Variants in SSPN observed in about 807,000 individuals in gnomAD.
The protein encoded by SSPN is K-ras oncogene-associated protein.
SSPN carries 15 observed loss-of-function variants against 19.1 expected under a neutral mutation model. The ratio of observed to expected loss-of-function variants is 0.78; its 90% CI spans 0.52 to 1.21. The LOEUF (loss-of-function observed/expected upper bound fraction) is 1.21. Among genes scored for constraint, SSPN ranks in the 50% most tolerant of loss-of-function variants. The probability of loss-of-function intolerance (pLI) is 0.00; values close to 1 mark genes in which losing one functional copy is unlikely to be tolerated. For missense variants in SSPN, 291 were observed against 314.0 expected, an observed-to-expected ratio of 0.93 and a Z score of 0.55; for synonymous variants, 147 against 140.3, an observed-to-expected ratio of 1.05 and a Z score of -0.34.
chr12:26,177,985 T>G (rs1944694991), intron 1 of SSPN, among the ~76,000 whole-genome samples: 1 of 152,216 alleles, frequency 6.6e-6, no homozygotes, highest in Admixed American at 6.5e-5. Flanking sequence ...AAGTCTAAGC[T>G]CACTGACTGG....
upstream of SSPN, among the ~76,000 whole-genome samples, chr12:26,191,139 A>G (rs1944785098): frequency 6.6e-6 from 1 of 152,212 alleles, no homozygotes; most frequent in South Asian, 2.1e-4. Context: ...GATATGCCAC[A>G]ATTTGTTTAT....
chr12:26,148,513 T>C (rs953932324), intron 1 of SSPN, among the ~76,000 whole-genome samples: 1 of 152,024 alleles, frequency 6.6e-6, no homozygotes, highest in African/African-American at 2.4e-5. Context: ...CTTTACAGAG[T>C]GGATGTAAGT....
intron 1 of SSPN, among the ~76,000 whole-genome samples, chr12:26,150,423 T>C (rs987979728): frequency 4.6e-5 from 7 of 152,236 alleles, no homozygotes; most frequent in Non-Finnish European, 1.0e-4. Context: ...TGCTATAAAC[T>C]GGTTTAATTA....
chr12:26,216,346 G>A (rs967839350), intron 1 of SSPN, among the ~76,000 whole-genome samples: 2 of 152,078 alleles, frequency 1.3e-5, no homozygotes, highest in African/African-American at 4.8e-5. Flanking sequence ...ATTTTTTCAT[G>A]TGTTTTTTGG....
chr12:26,215,464 G>GTATCT (rs1945037770), intron 1 of SSPN, among the ~76,000 whole-genome samples: 1 of 152,188 alleles, frequency 6.6e-6, no homozygotes, highest in African/African-American at 2.4e-5. Context: ...AGGTGCAGAA[G>GTATCT]CATGCTGGAG....
Position 26,165,251 on chromosome 12 carries a change from T to G in SSPN, c.-31+43099T>G, listed in dbSNP as rs1944613463. On this transcript the variant is annotated intron_variant, in intron 1 of 2. Transcript: ENST00000538142. ...CAAGGCTCGGGTCTCAAATTCCGTC[T>G]ATACAGAGCTGGGGAAAGTATTTTC... is the stretch of plus-strand genomic sequence containing the variant. Among the ~76,000 whole-genome samples the G allele has an allele frequency of 3.3e-5, 5 of 152,354 alleles. No homozygotes were observed. In the South Asian group the frequency reaches 1.0e-3, roughly 32 times the overall value.
intron 1 of SSPN, among the ~76,000 whole-genome samples, chr12:26,146,370 T>C (rs547720985): frequency 1.3e-5 from 2 of 152,350 alleles, no homozygotes; most frequent in Non-Finnish European, 2.9e-5. Context: ...TGACTCCTGT[T>C]GTGCCCATTT....
chr12:26,195,493 C>T, upstream of SSPN: 7 of 1,117,736 alleles, frequency 6.3e-6, no homozygotes, highest in Non-Finnish European at 8.0e-6. Flanking sequence ...CCTCGAATCC[C>T]CCCTCTGCTG....
intron 1 of SSPN, among the ~76,000 whole-genome samples, chr12:26,201,046 T>TATATATAA (rs59727119): frequency 3.9e-5 from 3 of 77,212 alleles, no homozygotes; most frequent in African/African-American, 5.3e-5. Context: ...TATATATATA[T>TATATATAA]TATATATATA....
chr12:26,218,581 T>G (rs992618688), intron 1 of SSPN, among the ~76,000 whole-genome samples: 4 of 152,048 alleles, frequency 2.6e-5, no homozygotes, highest in Admixed American at 2.0e-4. Context: ...ACCCACCTTT[T>G]CAAGTGATCC....
intron 1 of SSPN, chr12:26,124,593 G>C: frequency 6.2e-7 from 1 of 1,614,162 alleles, no homozygotes; most frequent in Non-Finnish European, 8.5e-7. Context: ...CTGCAAAACA[G>C]AAATCAGCAT....
rs962932400 is a variant in SSPN, at chr12:26,232,280, G to T, written c.*1204G>T. ...TTGAAGTTCTTATTTGAGCAATATGGCCTTGACTTGGAGGGTAGTTTTAGT... is the reference window on the plus strand; with the variant it reads ...TTGAAGTTCTTATTTGAGCAATATGTCCTTGACTTGGAGGGTAGTTTTAGT... On this transcript the variant is annotated 3_prime_UTR_variant, in exon 3 of 3. Transcript: ENST00000242729. The T allele has an allele frequency of 4.1e-6, 4 of 985,306 alleles. No individual in the cohort carries two copies. Among genetic ancestry groups the T allele is most frequent in the Middle Eastern group, 5.2e-4 (1 of 1,936 alleles). 61.0% of individuals were successfully genotyped at this position (985,306 alleles called of 1,614,324 possible).
intron 1 of SSPN, among the ~76,000 whole-genome samples, chr12:26,142,214 T>TA (rs1379360080): frequency 6.6e-6 from 1 of 152,212 alleles, no homozygotes; most frequent in Non-Finnish European, 1.5e-5. Flanking sequence ...GAAAGGGTTT[T>TA]AAGCAGTGCC....
intron 1 of SSPN, among the ~76,000 whole-genome samples, chr12:26,177,417 AC>A (rs1944691182): frequency 6.6e-6 from 1 of 152,168 alleles, no homozygotes; most frequent in Non-Finnish European, 1.5e-5. Flanking sequence ...TAGAGGTGTA[AC>A]CTTGAACAGT....
intron 2 of SSPN, among the ~76,000 whole-genome samples, chr12:26,227,317 G>A (rs1424915581): frequency 1.3e-5 from 2 of 152,156 alleles, no homozygotes; most frequent in Admixed American, 6.5e-5. Flanking sequence ...ACTTGATTCC[G>A]TGGCTTTCTC....
intron 1 of SSPN, among the ~76,000 whole-genome samples, chr12:26,168,717 T>C (rs994023682): frequency 6.6e-6 from 1 of 152,152 alleles, no homozygotes; most frequent in Non-Finnish European, 1.5e-5. Flanking sequence ...AGATATGAGA[T>C]GGTGACAGCA....
intron 2 of SSPN, among the ~76,000 whole-genome samples, chr12:26,224,924 G>T (rs1945161818): frequency 6.6e-6 from 1 of 152,084 alleles, no homozygotes; most frequent in Non-Finnish European, 1.5e-5. Flanking sequence ...TAGGGACAGT[G>T]CATTTGGCTG....
intron 1 of SSPN, among the ~76,000 whole-genome samples, chr12:26,146,982 C>T (rs1944495931): frequency 6.6e-6 from 1 of 152,048 alleles, no homozygotes; most frequent in Middle Eastern, 3.2e-3. Context: ...ATGTGCAGTG[C>T]AAGTTTATCC....
chr12:26,165,383 G>A (rs959343655), intron 1 of SSPN, among the ~76,000 whole-genome samples: 8 of 152,302 alleles, frequency 5.3e-5, no homozygotes, highest in African/African-American at 1.9e-4. Flanking sequence ...CTGTGAAGCT[G>A]ATATTTTAAT....
Sources: allele counts gnomAD v4.1 joint callset (sites outside exome capture counted in the v4.1 genomes callset), GRCh38; gene constraint gnomAD v4.1.1; transcripts MANE v1.5; gene names NCBI Gene and HGNC (gene_info 2026-07-23, HGNC 2026-07-21).